Variants in BMP6 observed in about 807,000 individuals in gnomAD.
BMP6 encodes the protein bone morphogenetic protein 6, also known as VG-1-R.
BMP6 carries 17 observed loss-of-function variants against 54.1 expected under a neutral mutation model. That is an observed-to-expected ratio of 0.31 (90% CI 0.22 to 0.47). The LOEUF is 0.47. BMP6 is among the 20% of genes least tolerant of loss of function. The pLI, the probability that BMP6 is intolerant of heterozygous loss-of-function variation, is 1.00. For missense variants in BMP6, 720 were observed against 690.4 expected (o/e 1.04, Z -0.48); for synonymous variants, 328 against 291.2 (o/e 1.13, Z -1.28).
chr6:7,828,754 C>G, intron 1 of BMP6, among the ~76,000 whole-genome samples: 1 of 152,364 alleles, frequency 6.6e-6, no homozygotes, highest in Middle Eastern at 3.4e-3. Context: ...GTTTAGCCCT[C>G]AGCAGGAGCA....
intron 5 of BMP6, among the ~76,000 whole-genome samples, chr6:7,879,583 T>C (rs1342256735): frequency 6.6e-6 from 1 of 152,110 alleles, no homozygotes; most frequent in Non-Finnish European, 1.5e-5. Context: ...GCCTCGTACC[T>C]GAGAACCATC....
At chr6:7,854,383 T>A (rs1012843297) in intron 2 of BMP6, among the ~76,000 whole-genome samples, 6 of 151,996 alleles carry the variant, frequency 3.9e-5, no homozygotes, top group East Asian at 1.9e-4. Flanking sequence ...AAACATCTTT[T>A]TAAAAAAAAA....
In BMP6 at chr6:7,831,084, T is replaced by C. The variant is rs147364231; in HGVS notation, c.665-14056T>C. Reference sequence around the variant, plus strand: ...TCGATGGATGAATGGATAAACAAAATGTGGCATGTATCCATACAATGGAAT... The same window carrying C: ...TCGATGGATGAATGGATAAACAAAACGTGGCATGTATCCATACAATGGAAT... On this transcript the variant is annotated intron_variant, in intron 1 of 6. Transcript: ENST00000283147. Among the ~76,000 whole-genome samples, 225 of 152,264 alleles carry C rather than the reference T, an allele frequency of 1.5e-3. 1 individual carries two copies. Among genetic ancestry groups the C allele is most frequent in the African/African-American group, 5.2e-3 (216 of 41,536 alleles).
Position 7,862,431 on chromosome 6 carries a change from G to GCGC in BMP6, c.1140_1142dup (p.Arg381dup). On this transcript the variant is annotated inframe_insertion, in exon 4 of 7. Coordinates refer to ENST00000283147, the MANE Select transcript of BMP6 (RefSeq NM_001718.6). The stretch of plus-strand genomic sequence containing the variant: ...GCACCACCAGGTCAGCCTCCAGCCG[G>GCGC]CGCCGACAACAGAGTCGTAATCGCT... 1 of 1,614,194 alleles carries GCGC rather than the reference G, an allele frequency of 6.2e-7. No homozygotes were observed. Among genetic ancestry groups the GCGC allele is most frequent in the Non-Finnish European group, 8.5e-7 (1 of 1,180,044 alleles).
In BMP6 at chr6:7,880,361, G is replaced by A. The variant is rs1468284445; in HGVS notation, c.*18G>A. 4.3e-6 allele frequency: 7 copies of A among 1,613,390 alleles called. No homozygotes were observed. The highest frequency in any genetic ancestry group is 1.7e-5 in the Admixed American group (1 of 60,000). On this transcript the variant is annotated 3_prime_UTR_variant, in exon 7 of 7. Coordinates refer to ENST00000283147, the MANE Select transcript of BMP6 (RefSeq NM_001718.6). ...GCCACTAACTCGAAACCAGATGCTG[G>A]GGACACACATTCTGCCTTGGATTCC...
At chr6:7,847,041 G>A (rs1056418060) in intron 2 of BMP6, among the ~76,000 whole-genome samples, 1 of 152,180 alleles carries the variant, frequency 6.6e-6, no homozygotes, top group South Asian at 2.1e-4. Flanking sequence ...AAAAGAGAGA[G>A]AGAAAGTTAG....
intron 4 of BMP6, among the ~76,000 whole-genome samples, chr6:7,864,801 T>C (rs559910406): frequency 1.7e-3 from 253 of 152,276 alleles, no homozygotes; most frequent in African/African-American, 5.9e-3. Flanking sequence ...AGGGTTGGGG[T>C]TTTTGAAAAA....
chr6:7,840,790 G>A (rs1227960385), intron 1 of BMP6, among the ~76,000 whole-genome samples: 2 of 152,078 alleles, frequency 1.3e-5, no homozygotes, highest in Non-Finnish European at 2.9e-5. Context: ...GTCTTGACTG[G>A]TCCTTGAAAT....
At chr6:7,745,978 A>G (rs942573273) in intron 1 of BMP6, among the ~76,000 whole-genome samples, 1 of 100,166 alleles carries the variant, frequency 1.0e-5, no homozygotes, top group African/African-American at 3.1e-5. Context: ...AGAAAAAAAG[A>G]GAGAGAGAGA....
At chr6:7,864,150 C>G (rs1759381193) in intron 4 of BMP6, among the ~76,000 whole-genome samples, 2 of 152,160 alleles carry the variant, frequency 1.3e-5, no homozygotes, top group African/African-American at 4.8e-5. Context: ...GAATGGAAAC[C>G]CAGACACTTC....
chr6:7,824,906 G>A (rs142559209), intron 1 of BMP6, among the ~76,000 whole-genome samples: 34 of 152,334 alleles, frequency 2.2e-4, no homozygotes, highest in Non-Finnish European at 3.8e-4. Context: ...AAAGGTAGGC[G>A]TTTAACAAAG....
chr6:7,862,532 C>G (rs1561795000), intron 4 of BMP6, 34 bp downstream of exon 4: 1 of 1,610,714 alleles, frequency 6.2e-7, no homozygotes, highest in East Asian at 2.2e-5. Flanking sequence ...TTCCAGAAAG[C>G]CTTGTTGGCC....
chr6:7,752,847 GT>G (rs1757447669), intron 1 of BMP6, among the ~76,000 whole-genome samples: 1 of 152,106 alleles, frequency 6.6e-6, no homozygotes, highest in South Asian at 2.1e-4. Context: ...TTGCTCATGT[GT>G]TTTCCCCCTT....
chr6:7,749,883 C>T (rs772233383), intron 1 of BMP6, among the ~76,000 whole-genome samples: 139 of 152,246 alleles, frequency 9.1e-4, no homozygotes, highest in Non-Finnish European at 1.6e-3. Flanking sequence ...CCAAGGAATC[C>T]GCATTTTAAG....
chr6:7,868,963 C>G (rs1049703151), intron 4 of BMP6, among the ~76,000 whole-genome samples: 12 of 152,230 alleles, frequency 7.9e-5, no homozygotes, highest in African/African-American at 2.9e-4. Context: ...TGTTTCCCTT[C>G]TCCCTGTCTT....
At chr6:7,808,414 C>T (rs901724676) in intron 1 of BMP6, among the ~76,000 whole-genome samples, 1 of 152,044 alleles carries the variant, frequency 6.6e-6, no homozygotes, top group Non-Finnish European at 1.5e-5. Context: ...CTTGGGGGGG[C>T]GATCATTGCA....
intron 2 of BMP6, among the ~76,000 whole-genome samples, chr6:7,855,682 C>G (rs1759217404): frequency 6.6e-6 from 1 of 151,472 alleles, no homozygotes; most frequent in South Asian, 2.1e-4. Flanking sequence ...CCACCTCAGC[C>G]CATGCCCAGC....
intron 1 of BMP6, among the ~76,000 whole-genome samples, chr6:7,765,683 C>G (rs1561764909): frequency 6.6e-6 from 1 of 152,220 alleles, no homozygotes; most frequent in East Asian, 1.9e-4. Context: ...CAAATTACCA[C>G]AAACCTAGTG....
intron 1 of BMP6, among the ~76,000 whole-genome samples, chr6:7,790,156 T>C (rs566854350): frequency 8.5e-5 from 13 of 152,266 alleles, no homozygotes; most frequent in African/African-American, 3.1e-4. Context: ...AGAAACCACT[T>C]GTATTTTACT....
Sources: gnomAD v4.1 joint callset for allele counts (sites outside exome capture counted in the v4.1 genomes callset) on GRCh38, gnomAD v4.1.1 for gene constraint, MANE v1.5 for transcripts, NCBI Gene and HGNC (gene_info 2026-07-23, HGNC 2026-07-21) for gene names.